ZNF592: variants seen among roughly 807,000 people sequenced by gnomAD.
ZNF592 encodes zinc finger protein 592, also known as spinocerebellar ataxia, autosomal recessive 5.
Under a neutral mutation model 80.3 loss-of-function variants are expected in ZNF592, and 11 were observed. That is an observed-to-expected ratio of 0.14 (90% CI 0.09 to 0.23). The LOEUF is 0.23. ZNF592 is among the 10% of genes least tolerant of loss of function. ZNF592 has a pLI of 1.00. For synonymous variants in ZNF592, 646 were observed against 640.3 expected (o/e 1.01, Z -0.13); for missense variants, 1,420 against 1,633.9 (o/e 0.87, Z 2.26).
Position 84,766,706 on chromosome 15 carries a change from AGTGTGTGTGTGT to A in ZNF592, c.-150+1914_-150+1925del, listed in dbSNP as rs10667788. On this transcript the variant is annotated intron_variant, in intron 2 of 10. Transcript: ENST00000560079. ...AATAGAGGGAGAGAGGATGAGAAAG[AGTGTGTGTGTGT>A]GTGTGTGTGTGTGTGTGTGTGTAAG... 3.4e-3 allele frequency among the ~76,000 whole-genome samples: 478 copies of A among 140,246 alleles called. 3 individuals are homozygous for A. Among genetic ancestry groups the A allele is most frequent in the African/African-American group, 0.011 (408 of 36,868 alleles). The allele number at this position is 140,246 out of a possible 152,430, so 92.0% of individuals were successfully genotyped here.
chr15:84,787,676 C>T (rs1246366534), intron 4 of ZNF592, among the ~76,000 whole-genome samples: 1 of 152,194 alleles, frequency 6.6e-6, no homozygotes, highest in African/African-American at 2.4e-5. Context: ...GGCAGGATGT[C>T]AGCCAGATGG....
At chr15:84,796,668 A>G (rs979141281) in intron 5 of ZNF592, among the ~76,000 whole-genome samples, 15 of 152,110 alleles carry the variant, frequency 9.9e-5, no homozygotes, top group Non-Finnish European at 1.8e-4. Flanking sequence ...AATTTCAGAA[A>G]AATGGTTTAA....
In ZNF592 at chr15:84,783,879, A is replaced by C; in HGVS notation, c.1204A>C (p.Ser402Arg). Reference sequence around the variant, plus strand: ...GATCCTGCCAGATCCTGATGATCCAAGTAAGTCCCCTGTTGGGTCACCTCT... The same window carrying C: ...GATCCTGCCAGATCCTGATGATCCACGTAAGTCCCCTGTTGGGTCACCTCT... ...TRILPDPDDP[S>R]KSPVGSPLGS... Residue 402 changes from serine to arginine, a missense_variant, in exon 4 of 11, where the codon AGT becomes CGT. Ser to Arg is a moderately radical substitution (Grantham distance 110, BLOSUM62 -1). Around this residue, in one of 7 missense-constraint regions of ZNF592, gnomAD observed 524 missense variants for 628.3 expected, o/e 0.83. Transcript: ENST00000560079. This position sits in a 1 kb window ranked among gnomAD's most constrained non-coding sequence, Gnocchi z 5.0. The C allele has an allele frequency of 6.2e-7, 1 of 1,614,210 alleles. No individual in the cohort carries two copies. The highest frequency in any genetic ancestry group is 8.5e-7 in the Non-Finnish European group (1 of 1,180,024).
chr15:84,773,312 C>T (rs1261222609), intron 2 of ZNF592, among the ~76,000 whole-genome samples: 5 of 151,372 alleles, frequency 3.3e-5, no homozygotes, highest in Non-Finnish European at 7.4e-5. Flanking sequence ...CCCGGGTTCA[C>T]GCCATTCTCC....
rs773937292 is a variant in ZNF592 at position 84,798,441 on chromosome 15, C to T, written c.2703C>T (p.Phe901=). Residue 901 remains phenylalanine, a synonymous_variant, in exon 7 of 11, where the codon TTC becomes TTT. Transcript: ENST00000560079. The surrounding 1 kb of genome is among the most constrained non-coding windows in gnomAD (Gnocchi z 4.5). ...VFKCPECPLL[F]VQKPELMQHV... Reference sequence around the variant, plus strand: ...AGTGCCCTGAGTGCCCACTCTTGTTCGTGCAGAAGCCGGAGTTGATGCAAC... The same window carrying T: ...AGTGCCCTGAGTGCCCACTCTTGTTTGTGCAGAAGCCGGAGTTGATGCAAC... 7.4e-6 allele frequency: 12 copies of T among 1,614,058 alleles called. No homozygotes were observed. Among genetic ancestry groups the T allele is most frequent in the Admixed American group, 1.7e-5 (1 of 60,020 alleles).
At chr15:84,785,202 C>G (rs531511894) in intron 4 of ZNF592, among the ~76,000 whole-genome samples, 1 of 152,284 alleles carries the variant, frequency 6.6e-6, no homozygotes, top group East Asian at 1.9e-4. Flanking sequence ...GATGATCTCC[C>G]TCTGGTCTCT....
rs1370859147 is a variant in ZNF592, at chr15:84,764,793, C to G, written c.-172C>G. 2.5e-6 allele frequency: 1 copy of G among 398,870 alleles called. No homozygotes were observed. Among genetic ancestry groups the G allele is most frequent in the Non-Finnish European group, 4.4e-6 (1 of 226,072 alleles). 24.7% of individuals were successfully genotyped at this position (398,870 alleles called of 1,614,324 possible). ...CTCCCCTAGCAACGCTCGCCACACC[C>G]TTGTTTTGAGATCCTCTCTAAGGTA... is the stretch of plus-strand genomic sequence containing the variant. On this transcript the variant is annotated 5_prime_UTR_variant, in exon 2 of 11. Transcript: ENST00000560079.
intron 4 of ZNF592, among the ~76,000 whole-genome samples, chr15:84,787,451 TC>T (rs1479000556): frequency 6.6e-6 from 1 of 152,220 alleles, no homozygotes; most frequent in Non-Finnish European, 1.5e-5. Context: ...GCTTGGGTTT[TC>T]CACAGGACAG....
In ZNF592 at chr15:84,782,670, C is replaced by A; in HGVS notation, c.-6C>A. ...TTTCTGTTACAGCCCTTGCCAGCAT[C>A]CAGCCATGGGGGATATGAAAACCCC... On this transcript the variant is annotated 5_prime_UTR_variant, in exon 4 of 11. Transcript: ENST00000560079. The A allele has an allele frequency of 6.2e-7, 1 of 1,614,044 alleles. No individual in the cohort carries two copies. The highest frequency in any genetic ancestry group is 2.2e-5 in the East Asian group (1 of 44,870).
At chr15:84,751,494 TA>T (rs1388654922) in intron 1 of ZNF592, among the ~76,000 whole-genome samples, 1 of 152,258 alleles carries the variant, frequency 6.6e-6, no homozygotes, top group East Asian at 1.9e-4. Flanking sequence ...TAAGTGCAGA[TA>T]AAACTCCCTC....
Position 84,802,379 on chromosome 15 carries a change from T to A in ZNF592, c.3790T>A (p.Ser1264Thr), listed in dbSNP as rs1450464450. 1 of 1,613,508 alleles carries A rather than the reference T, an allele frequency of 6.2e-7. No individual in the cohort carries two copies. Among genetic ancestry groups the A allele is most frequent in the Admixed American group, 1.7e-5 (1 of 60,008 alleles). ...ASQDQDSHTL[S>T]PQV ...TCAGGACCAGGACAGCCACACACTG[T>A]CCCCTCAGGTGTGACCGGAGACTTT... is the stretch of plus-strand genomic sequence containing the variant. The change falls in exon 11 of 11, where the codon TCC (serine) becomes ACC (threonine). Residue 1264 changes from serine (S) to threonine (T), a missense_variant. Coordinates refer to ENST00000560079, the MANE Select transcript of ZNF592 (RefSeq NM_014630.3).
rs979037644 is a variant in ZNF592 at position 84,798,074 on chromosome 15, C to G, written c.2576+29C>G. On this transcript the variant is annotated intron_variant, in intron 6 of 10. Transcript: ENST00000560079. The surrounding 1 kb of genome is among the most constrained non-coding windows in gnomAD (Gnocchi z 4.5). ...AGTGCAGCTCCAGGGCCAGCAGGCC[C>G]TGTGGAGCAGAGAGGAGTAGCCTGG... 6.2e-7 allele frequency: 1 copy of G among 1,612,016 alleles called. No individual in the cohort carries two copies. The highest frequency in any genetic ancestry group is 1.1e-5 in the South Asian group (1 of 90,986).
At chr15:84,765,397 T>G (rs1899478755) in intron 2 of ZNF592, among the ~76,000 whole-genome samples, 1 of 152,180 alleles carries the variant, frequency 6.6e-6, no homozygotes, top group African/African-American at 2.4e-5. Context: ...GTGGAATTGC[T>G]GGATCATATG....
chr15:84,764,465 C>T lies in ZNF592; in HGVS notation c.-258-242C>T, dbSNP rs1379517273. ...AAGTAGTAGAACTAGGATTTGAACCCGGATGGAGTCTGTGCTCTGAAGCAC... is the reference window on the plus strand; with the variant it reads ...AAGTAGTAGAACTAGGATTTGAACCTGGATGGAGTCTGTGCTCTGAAGCAC... On this transcript the variant is annotated intron_variant, in intron 1 of 10. Transcript: ENST00000560079. Among the ~76,000 whole-genome samples, 6 of 152,194 alleles carry T rather than the reference C, an allele frequency of 3.9e-5. No homozygotes were observed. The East Asian group carries it at 7.7e-4, about 20-fold the overall frequency.
intron 1 of ZNF592, among the ~76,000 whole-genome samples, chr15:84,759,958 C>T (rs1005436931): frequency 2.4e-5 from 1 of 40,864 alleles, no homozygotes; most frequent in African/African-American, 9.6e-5. Context: ...GGAGATTCCC[C>T]CCCCCCCCAC....
chr15:84,774,885 A>G lies in ZNF592; in HGVS notation c.-149-3298A>G, dbSNP rs537545873. 5.9e-5 allele frequency among the ~76,000 whole-genome samples: 9 copies of G among 152,028 alleles called. No homozygotes were observed. The East Asian group carries it at 7.7e-4, about 13-fold the overall frequency. On this transcript the variant is annotated intron_variant, in intron 2 of 10. Transcript: ENST00000560079. Reference sequence around the variant, plus strand: ...AACCTCTGCCTCCCAGGTTCAAGCAATTCTCCTGCCCCAGCCTCCCAAGTA... The same window carrying G: ...AACCTCTGCCTCCCAGGTTCAAGCAGTTCTCCTGCCCCAGCCTCCCAAGTA...
In ZNF592 at chr15:84,796,636, G is replaced by A. The variant is rs1240992732; in HGVS notation, c.2400-1233G>A. Among the ~76,000 whole-genome samples, 4 of 151,900 alleles carry A rather than the reference G, an allele frequency of 2.6e-5. No homozygotes were observed. The East Asian group carries it at 7.8e-4, about 30-fold the overall frequency. ...ATTTATAGAGAGATGTTGTGAAGTT[G>A]AAACAAGTTCCATACGGCCTCAATT... is the stretch of plus-strand genomic sequence containing the variant. On this transcript the variant is annotated intron_variant, in intron 5 of 10. Transcript: ENST00000560079.
chr15:84,770,536 C>T (rs946698121), intron 2 of ZNF592, among the ~76,000 whole-genome samples: 1 of 152,094 alleles, frequency 6.6e-6, no homozygotes, highest in East Asian at 1.9e-4. Flanking sequence ...TGTGTAGGTG[C>T]TCAAGAGCAG....
At chr15:84,767,499 C>T (rs577677300) in intron 2 of ZNF592, among the ~76,000 whole-genome samples, 40 of 152,234 alleles carry the variant, frequency 2.6e-4, no homozygotes, top group African/African-American at 8.9e-4. Context: ...GGAGTCCTGT[C>T]CCCCTTTTTC....
Sources: allele counts gnomAD v4.1 joint callset (sites outside exome capture counted in the v4.1 genomes callset), GRCh38; gene constraint gnomAD v4.1.1; regional missense constraint gnomAD v4.1.1; non-coding constraint Gnocchi (gnomAD v3.1); transcripts MANE v1.5; gene names NCBI Gene and HGNC (gene_info 2026-07-23, HGNC 2026-07-21).